The following VCPIP1 variants were observed in gnomAD, a reference collection of about 807,000 sequenced individuals.
VCPIP1 encodes valosin containing protein interacting protein 1.
A neutral mutation model predicts 85.0 loss-of-function variants in VCPIP1; 8 were observed. That is an observed-to-expected ratio of 0.09 (90% CI 0.06 to 0.17). The LOEUF (loss-of-function observed/expected upper bound fraction) is 0.17, where lower values mean the gene tolerates loss of function less well. Ranked by LOEUF, VCPIP1 falls within the 10% of genes least tolerant of loss-of-function variation. The probability of loss-of-function intolerance (pLI) is 1.00; values close to 1 mark genes in which losing one functional copy is unlikely to be tolerated. For synonymous variants in VCPIP1, 543 were observed against 544.5 expected (o/e 1.00, Z 0.04); for missense variants, 1,070 against 1,486.3 (o/e 0.72, Z 4.61).
Position 66,633,688 on chromosome 8 carries a change from T to C in VCPIP1, c.*813A>G, listed in dbSNP as rs923230369. The stretch of plus-strand genomic sequence containing the variant: ...TAAAGATAAACTCTTATTTATAAAT[T>C]CTCTACTGCTACCATTATTTCTTTT... On this transcript the variant is annotated 3_prime_UTR_variant, in exon 3 of 3. Coordinates refer to ENST00000310421, the MANE Select transcript of VCPIP1 (RefSeq NM_025054.5). The C allele has an allele frequency of 1.3e-5, 2 of 152,062 alleles. No individual in the cohort carries two copies. Among genetic ancestry groups the C allele is most frequent in the African/African-American group, 4.8e-5 (2 of 41,420 alleles). The allele number at this position is 152,062 out of a possible 1,614,324, so 9.4% of individuals were successfully genotyped here.
chr8:66,651,627 T>C, intron 1 of VCPIP1, 83 bp from the exon 2 acceptor site: 1 of 1,097,682 alleles, frequency 9.1e-7, no homozygotes, highest in Non-Finnish European at 1.3e-6. Context: ...TAGCCTAGAA[T>C]AAACATCAAG....
At chr8:66,644,754 C>T in intron 2 of VCPIP1, among the ~76,000 whole-genome samples, 1 of 149,584 alleles carries the variant, frequency 6.7e-6, no homozygotes, top group Non-Finnish European at 1.5e-5. Flanking sequence ...GTGAGTTTAG[C>T]AAGGTCACAC....
At chr8:66,650,613 C>A (rs925155017) in intron 2 of VCPIP1, among the ~76,000 whole-genome samples, 3 of 151,996 alleles carry the variant, frequency 2.0e-5, no homozygotes, top group African/African-American at 7.3e-5. Context: ...TATCCTAGAA[C>A]TTAGAAAGCA....
In VCPIP1 at chr8:66,632,593, GA is replaced by G. The variant is rs1206575964; in HGVS notation, c.*1907del. 2.6e-5 allele frequency: 4 copies of G among 152,048 alleles called. No individual in the cohort carries two copies. In the East Asian group the frequency reaches 7.7e-4, roughly 29 times the overall value. 9.4% of individuals were successfully genotyped at this position (152,048 alleles called of 1,614,324 possible). On this transcript the variant is annotated 3_prime_UTR_variant, in exon 3 of 3. Transcript: ENST00000310421. ...GAGATATCTGTCAGTTATCAATGAA[GA>G]AAATATTTGTTAAAGAAGATTATAT...
At chr8:66,655,693 C>CA (rs370270363) in intron 1 of VCPIP1, among the ~76,000 whole-genome samples, 2,977 of 148,380 alleles carry the variant, frequency 0.02, 50 homozygotes, top group Admixed American at 0.049. Flanking sequence ...AAAATAATAG[C>CA]AAAAAAAAAG....
intron 2 of VCPIP1, among the ~76,000 whole-genome samples, chr8:66,646,072 A>ATT (rs111341096): frequency 6.4e-5 from 9 of 140,034 alleles, no homozygotes; most frequent in East Asian, 4.1e-4. Context: ...GTCAAAATGC[A>ATT]TTTTTTTTTT....
In VCPIP1 at chr8:66,644,765, A is replaced by G. The variant is rs1465086713; in HGVS notation, c.2797+6693T>C. 2.6e-5 allele frequency among the ~76,000 whole-genome samples: 4 copies of G among 151,766 alleles called. No individual in the cohort carries two copies. In the East Asian group the frequency reaches 5.8e-4, roughly 22 times the overall value. ...ATATGTGAGTTTAGCAAGGTCACAC[A>G]TGGGGTACAAGGGCAATCAAGGGCA... On this transcript the variant is annotated intron_variant, in intron 2 of 2. Transcript: ENST00000310421.
intron 2 of VCPIP1, among the ~76,000 whole-genome samples, chr8:66,642,308 A>T (rs1424642532): frequency 6.6e-6 from 1 of 152,132 alleles, no homozygotes; most frequent in Non-Finnish European, 1.5e-5. Context: ...GTTTAGTTGT[A>T]AGAGTTCTTT....
intron 2 of VCPIP1, among the ~76,000 whole-genome samples, chr8:66,644,057 C>T (rs867274488): frequency 3.9e-5 from 6 of 152,114 alleles, no homozygotes; most frequent in South Asian, 4.1e-4. Context: ...ACTAACAAAG[C>T]TTACTCAAGA....
rs1431183923 is a variant in VCPIP1 at position 66,665,082 on chromosome 8, G to C, written c.1877C>G (p.Ala626Gly). Residue 626 changes from alanine to glycine, a missense_variant, in exon 1 of 3, where the codon GCA becomes GGA. Ala to Gly is a moderately conservative substitution (Grantham distance 60, BLOSUM62 0). Transcript: ENST00000310421. This position sits in a 1 kb window ranked among gnomAD's most constrained non-coding sequence, Gnocchi z 4.3. Reference sequence around the variant, plus strand: ...AAAGTGCTTGGTAACAAGTTTCATTGCAACATCGTAAACATTACTATTCAA... The same window carrying C: ...AAAGTGCTTGGTAACAAGTTTCATTCCAACATCGTAAACATTACTATTCAA... ...SSLNSNVYDV[A>G]MKLVTKHFPG... 1 of 1,613,972 alleles carries C rather than the reference G, an allele frequency of 6.2e-7. No homozygotes were observed. Among genetic ancestry groups the C allele is most frequent in the East Asian group, 2.2e-5 (1 of 44,878 alleles).
chr8:66,661,803 G>A (rs1186926128), intron 1 of VCPIP1, among the ~76,000 whole-genome samples: 5 of 142,096 alleles, frequency 3.5e-5, no homozygotes, highest in East Asian at 2.1e-4. Flanking sequence ...TTGTTCTGTC[G>A]CCCAGGATGG....
Position 66,666,187 on chromosome 8 carries a change from G to A in VCPIP1, c.772C>T (p.His258Tyr), listed in dbSNP as rs1383163982. The A allele has an allele frequency of 1.9e-5, 31 of 1,613,944 alleles. No homozygotes were observed. The highest frequency in any genetic ancestry group is 2.5e-5 in the Non-Finnish European group (30 of 1,179,986). Reference sequence around the variant, plus strand: ...CACTCAGCAGCATCAATGAAGTCATGGAACAGAGCTTGATATCGGGCCAGG... The same window carrying A: ...CACTCAGCAGCATCAATGAAGTCATAGAACAGAGCTTGATATCGGGCCAGG... ...QHLARYQALFHDFIDAAEWED... is the reference protein window; with the variant it reads ...QHLARYQALFYDFIDAAEWED... Residue 258 changes from histidine to tyrosine, a missense_variant, in exon 1 of 3, where the codon CAT becomes TAT. Physicochemically the swap from His to Tyr is moderately conservative, Grantham distance 83 (BLOSUM62 2). Coordinates refer to ENST00000310421, the MANE Select transcript of VCPIP1 (RefSeq NM_025054.5). This position sits in a 1 kb window ranked among gnomAD's most constrained non-coding sequence, Gnocchi z 6.3.
rs1323915210 is a variant in VCPIP1 at position 66,666,689 on chromosome 8, G to A, written c.270C>T (p.Asp90=). The A allele has an allele frequency of 6.2e-7, 1 of 1,614,072 alleles. No homozygotes were observed. Among genetic ancestry groups the A allele is most frequent in the Admixed American group, 1.7e-5 (1 of 60,002 alleles). The stretch of plus-strand genomic sequence containing the variant: ...GCAGGTTGTGTAGCACTACGTCCGG[G>A]TCGGTCACCTCCTCAACCCCCAGCA... ...QQLLGVEEVT[D]PDVVLHNLLR... The change falls in exon 1 of 3, where the codon GAC becomes GAT. Residue 90 remains aspartate (D), a synonymous_variant. Coordinates refer to ENST00000310421, the MANE Select transcript of VCPIP1 (RefSeq NM_025054.5). This position sits in a 1 kb window ranked among gnomAD's most constrained non-coding sequence, Gnocchi z 6.3.
Position 66,633,624 on chromosome 8 carries a change from A to C in VCPIP1, c.*877T>G, listed in dbSNP as rs763352957. On this transcript the variant is annotated 3_prime_UTR_variant, in exon 3 of 3. Transcript: ENST00000310421. ...ATACACTTAGCATATACAGGCTTAA[A>C]TACCACTGATCAAAATTGTAGAACA... 2.0e-5 allele frequency: 3 copies of C among 152,156 alleles called. No individual in the cohort carries two copies. Among genetic ancestry groups the C allele is most frequent in the Non-Finnish European group, 4.4e-5 (3 of 67,996 alleles). 9.4% of individuals were successfully genotyped at this position (152,156 alleles called of 1,614,324 possible).
In VCPIP1 at chr8:66,631,886, A is replaced by G. The variant is rs1188240591; in HGVS notation, c.*2615T>C. 1 of 152,532 alleles carries G rather than the reference A, an allele frequency of 6.6e-6. No individual in the cohort carries two copies. Among genetic ancestry groups the G allele is most frequent in the African/African-American group, 2.4e-5 (1 of 41,450 alleles). The allele number at this position is 152,532 out of a possible 1,614,324, so 9.4% of individuals were successfully genotyped here. A position where few individuals can be genotyped will look rare whatever the true frequency, so the allele number is the denominator to read the frequency against. On this transcript the variant is annotated 3_prime_UTR_variant, in exon 3 of 3. Coordinates refer to ENST00000310421, the MANE Select transcript of VCPIP1 (RefSeq NM_025054.5). ...TTTACAACAATTTCTCATTACCAGT[A>G]TTCTAGATACATACTATCTTCAACA...
At position 66,667,014 on chromosome 8, in the gene VCPIP1, GC is replaced by G. The variant is rs1372436012; in HGVS notation, c.-57del. On this transcript the variant is annotated 5_prime_UTR_variant, in exon 1 of 3. Coordinates refer to ENST00000310421, the MANE Select transcript of VCPIP1 (RefSeq NM_025054.5). ...CCCAGGCGACCCTCAAAAGCTCATA[GC>G]CCAGACCCCCACCAACCCGACTCGG... 3 of 1,453,902 alleles carry G rather than the reference GC, an allele frequency of 2.1e-6. No homozygotes were observed. The Admixed American group carries it at 8.5e-5, about 41-fold the overall frequency. 90.1% of individuals were successfully genotyped at this position (1,453,902 alleles called of 1,614,324 possible).
In VCPIP1 at chr8:66,665,035, T is replaced by C. The variant is rs141119278; in HGVS notation, c.1924A>G (p.Ile642Val). The C allele has an allele frequency of 6.2e-7, 1 of 1,613,810 alleles. No individual in the cohort carries two copies. The highest frequency in any genetic ancestry group is 1.3e-5 in the African/African-American group (1 of 74,918). The part of the protein sequence containing the change: ...KHFPGEFGSE[I>V]LVQKVVHTIL... ...GTGTGGACAACTTTCTGAACTAGGATTTCACTCCCAAATTCACCTGGAAAG... is the reference window on the plus strand; with the variant it reads ...GTGTGGACAACTTTCTGAACTAGGACTTCACTCCCAAATTCACCTGGAAAG... Residue 642 changes from isoleucine (I) to valine (V), a missense_variant, in exon 1 of 3, where the codon ATC becomes GTC. Transcript: ENST00000310421. The surrounding 1 kb of genome is among the most constrained non-coding windows in gnomAD (Gnocchi z 4.3).
chr8:66,650,177 T>C (rs1563569180), intron 2 of VCPIP1, among the ~76,000 whole-genome samples: 1 of 152,160 alleles, frequency 6.6e-6, no homozygotes, highest in Non-Finnish European at 1.5e-5. Flanking sequence ...ATAGTATATC[T>C]GAGATTTACT....
intron 1 of VCPIP1, among the ~76,000 whole-genome samples, chr8:66,660,834 G>A (rs1291255617): frequency 6.6e-6 from 1 of 151,748 alleles, no homozygotes; most frequent in Non-Finnish European, 1.5e-5. Context: ...CCCTGAGGTC[G>A]GGAGTTCAAG....
Sources: gnomAD v4.1 joint callset for allele counts (sites outside exome capture counted in the v4.1 genomes callset) on GRCh38, gnomAD v4.1.1 for gene constraint, Gnocchi (gnomAD v3.1) non-coding constraint, MANE v1.5 for transcripts, NCBI Gene and HGNC (gene_info 2026-07-23, HGNC 2026-07-21) for gene names.